The following ITPR1 variants were observed in gnomAD, a reference collection of about 807,000 sequenced individuals.
The protein encoded by ITPR1 is inositol 1,4,5-trisphosphate receptor type 1.
Under a neutral mutation model 318.4 loss-of-function variants are expected in ITPR1, and 96 were observed. The observed-to-expected ratio is 0.30, with a 90% CI of 0.26 to 0.36. The LOEUF (loss-of-function observed/expected upper bound fraction) is 0.36, where lower values mean the gene tolerates loss of function less well. Ranked by LOEUF, ITPR1 falls within the 10% of genes least tolerant of loss-of-function variation. The probability of loss-of-function intolerance (pLI) is 1.00; values close to 1 mark genes in which losing one functional copy is unlikely to be tolerated. For synonymous variants in ITPR1, 1,312 were observed against 1,289.9 expected (o/e 1.02, Z -0.37); for missense variants, 2,440 against 3,460.2 (o/e 0.71, Z 7.40).
In ITPR1 at chr3:4,680,720, A is replaced by T. The variant is rs761462565; in HGVS notation, c.3106+29A>T. On this transcript the variant is annotated intron_variant, in intron 25 of 61. Coordinates refer to ENST00000649015, the MANE Select transcript of ITPR1 (RefSeq NM_001378452.1). ...AGTGATTCAGAATGGAATTTCAGCC[A>T]TAGAATGGGACCTGGCTCTAAGGAA... 25 of 1,585,428 alleles carry T rather than the reference A, an allele frequency of 1.6e-5. No individual in the cohort carries two copies. In the African/African-American group the frequency reaches 2.5e-4, roughly 16 times the overall value.
intron 60 of ITPR1, chr3:4,825,657 G>T: frequency 2.2e-6 from 1 of 450,812 alleles, no homozygotes; most frequent in Non-Finnish European, 4.4e-6. Context: ...AGAAAGCAAC[G>T]TGTTAACAAG....
chr3:4,754,029 A>G (rs1458181105), intron 44 of ITPR1, among the ~76,000 whole-genome samples: 1 of 131,820 alleles, frequency 7.6e-6, no homozygotes, highest in South Asian at 2.9e-4. Flanking sequence ...GAGCCGTGTG[A>G]CTGCACAAAC....
intron 45 of ITPR1, among the ~76,000 whole-genome samples, chr3:4,768,062 A>AAC (rs1247626088): frequency 2.6e-5 from 4 of 152,228 alleles, no homozygotes; most frequent in African/African-American, 9.6e-5. Context: ...GAGATAAAAT[A>AAC]ACACACACAA....
intron 59 of ITPR1, chr3:4,817,624 A>C (rs1389117050): frequency 6.6e-6 from 1 of 152,512 alleles, no homozygotes; most frequent in African/African-American, 2.4e-5. Context: ...AGAGTTCAAA[A>C]TTTGTTTAAA....
At chr3:4,571,546 C>T (rs2087993443) in intron 4 of ITPR1, among the ~76,000 whole-genome samples, 1 of 152,046 alleles carries the variant, frequency 6.6e-6, no homozygotes, top group South Asian at 2.1e-4. Context: ...ATTGCCCAGG[C>T]TGGTCTTGAA....
chr3:4,721,333 A>G lies in ITPR1; in HGVS notation c.5136+3934A>G, dbSNP rs558635202. On this transcript the variant is annotated intron_variant, in intron 40 of 61. Coordinates refer to ENST00000649015, the MANE Select transcript of ITPR1 (RefSeq NM_001378452.1). ...TCCTATAAACTGTAGGTGAAACCACATTGTTGGAGCTAAATAATTTTTGCT... is the reference window on the plus strand; with the variant it reads ...TCCTATAAACTGTAGGTGAAACCACGTTGTTGGAGCTAAATAATTTTTGCT... Among the ~76,000 whole-genome samples, 4 of 152,110 alleles carry G rather than the reference A, an allele frequency of 2.6e-5. No homozygotes were observed. The East Asian group carries it at 5.8e-4, about 22-fold the overall frequency.
intron 39 of ITPR1, among the ~76,000 whole-genome samples, chr3:4,716,550 A>T (rs2041777222): frequency 6.6e-6 from 1 of 152,188 alleles, no homozygotes; most frequent in African/African-American, 2.4e-5. Context: ...TTTTCATTTC[A>T]TACAAATTGT....
At chr3:4,607,846 A>T (rs2091811334) in intron 4 of ITPR1, among the ~76,000 whole-genome samples, 1 of 152,132 alleles carries the variant, frequency 6.6e-6, no homozygotes, top group African/African-American at 2.4e-5. Flanking sequence ...CTTAGGATCT[A>T]CCACAGTGAT....
At chr3:4,667,604 G>T in intron 18 of ITPR1, 55 bp downstream of exon 18, 2 of 1,505,694 alleles carry the variant, frequency 1.3e-6, no homozygotes, top group Admixed American at 4.0e-5. Context: ...AAGATGCAGG[G>T]ACTTAGCTGG....
chr3:4,604,143 G>A (rs557463701), intron 4 of ITPR1, among the ~76,000 whole-genome samples: 2 of 152,264 alleles, frequency 1.3e-5, no homozygotes, highest in East Asian at 3.9e-4. Flanking sequence ...CCTTTGAGAA[G>A]GGCTGTACAT....
At chr3:4,706,925 G>A (rs1273683756) in intron 37 of ITPR1, among the ~76,000 whole-genome samples, 1 of 152,172 alleles carries the variant, frequency 6.6e-6, no homozygotes, top group Non-Finnish European at 1.5e-5. Context: ...TTTTATACAA[G>A]CACCTCAGTT....
intron 39 of ITPR1, among the ~76,000 whole-genome samples, chr3:4,716,390 A>T (rs1469580984): frequency 6.6e-6 from 1 of 152,354 alleles, no homozygotes; most frequent in East Asian, 1.9e-4. Flanking sequence ...TGTTGACTTA[A>T]GTTATTACTC....
chr3:4,664,786 G>C (rs187656960), intron 16 of ITPR1, among the ~76,000 whole-genome samples: 126 of 152,294 alleles, frequency 8.3e-4, no homozygotes, highest in Non-Finnish European at 1.6e-3. Flanking sequence ...TTTCCATTTT[G>C]CTGGTAAGGA....
At chr3:4,732,965 T>C (rs1218351183) in intron 42 of ITPR1, 123 bp from the exon 43 acceptor site, 3 of 943,780 alleles carry the variant, frequency 3.2e-6, no homozygotes, top group African/African-American at 1.6e-5. Context: ...CCATGAATAA[T>C]TTATTCTTTC....
chr3:4,673,968 A>G (rs78609656), intron 21 of ITPR1, among the ~76,000 whole-genome samples: 1,785 of 152,342 alleles, frequency 0.012, 38 homozygotes, highest in Middle Eastern at 0.054. Flanking sequence ...CAAGAAATAT[A>G]TCAGTGAACA....
intron 5 of ITPR1, among the ~76,000 whole-genome samples, chr3:4,638,359 C>G (rs2093252831): frequency 6.6e-6 from 1 of 152,218 alleles, no homozygotes; most frequent in African/African-American, 2.4e-5. Context: ...AGTTTGCTGA[C>G]TGCCTGGGAT....
At chr3:4,831,127 T>TCACACACACACCCACACA (rs879186803) in intron 60 of ITPR1, 1 of 270,344 alleles carries the variant, frequency 3.7e-6, no homozygotes, top group Admixed American at 4.2e-5. Flanking sequence ...TCTCTCTCTC[T>TCACACACACACCCACACA]CTCTCACACA....
In ITPR1 at chr3:4,818,650, C is replaced by G. The variant is rs185290141; in HGVS notation, c.8028+408C>G. 2.0e-5 allele frequency among the ~76,000 whole-genome samples: 3 copies of G among 152,252 alleles called. No individual in the cohort carries two copies. In the East Asian group the frequency reaches 5.8e-4, roughly 29 times the overall value. ...AAGAGGTGTCTTAGAGGCAAAGTGA[C>G]TGCTCACTGCAGTCCAGCATGGTTT... On this transcript the variant is annotated intron_variant, in intron 60 of 61. Coordinates refer to ENST00000649015, the MANE Select transcript of ITPR1 (RefSeq NM_001378452.1).
At chr3:4,834,108 G>GTC (rs1309961307) in intron 60 of ITPR1, among the ~76,000 whole-genome samples, 1 of 152,058 alleles carries the variant, frequency 6.6e-6, no homozygotes, top group Non-Finnish European at 1.5e-5. Context: ...GCCCAGGCCA[G>GTC]TCTCAAACTT....
Sources: gnomAD v4.1 joint callset for allele counts (sites outside exome capture counted in the v4.1 genomes callset) on GRCh38, gnomAD v4.1.1 for gene constraint, MANE v1.5 for transcripts, NCBI Gene and HGNC (gene_info 2026-07-23, HGNC 2026-07-21) for gene names.